The following SPATA13 variants were observed in gnomAD, a reference collection of about 807,000 sequenced individuals.
The protein encoded by SPATA13 is spermatogenesis associated 13.
In SPATA13, 50 loss-of-function variants were observed where a neutral mutation model predicts 104.0. That is an observed-to-expected ratio of 0.48 (90% CI 0.38 to 0.61). The LOEUF (loss-of-function observed/expected upper bound fraction) is 0.61, where lower values mean the gene tolerates loss of function less well. Ranked by LOEUF, SPATA13 falls within the 20% of genes least tolerant of loss-of-function variation. SPATA13 has a pLI of 0.00. For synonymous variants in SPATA13, 606 were observed against 667.5 expected (o/e 0.91, Z 1.42); for missense variants, 1,524 against 1,690.6 (o/e 0.90, Z 1.73).
intron 3 of SPATA13, among the ~76,000 whole-genome samples, chr13:24,018,470 C>T (rs78143637): frequency 0.038 from 5,854 of 152,190 alleles, 357 homozygotes; most frequent in African/African-American, 0.13. Context: ...TCCTTTTTCT[C>T]CAATTAAAGT....
At chr13:24,217,210 T>C (rs1055293812) in intron 1 of SPATA13, among the ~76,000 whole-genome samples, 4 of 152,186 alleles carry the variant, frequency 2.6e-5, no homozygotes, top group African/African-American at 4.8e-5. Flanking sequence ...CCGGGCAACA[T>C]AGCAAGATTG....
chr13:24,215,427 T>G (rs558809143), intron 1 of SPATA13, among the ~76,000 whole-genome samples: 1 of 152,284 alleles, frequency 6.6e-6, no homozygotes, highest in South Asian at 2.1e-4. Flanking sequence ...TCCTCAACAG[T>G]GGCAAAATGG....
intron 1 of SPATA13, among the ~76,000 whole-genome samples, chr13:24,217,123 A>G (rs189573494): frequency 8.7e-4 from 132 of 152,270 alleles, no homozygotes; most frequent in African/African-American, 2.9e-3. Context: ...TTAACTGGCC[A>G]TGGTATGTAC....
chr13:24,136,145 GA>G (rs1461070162), intron 3 of SPATA13, among the ~76,000 whole-genome samples: 1 of 152,154 alleles, frequency 6.6e-6, no homozygotes, highest in Non-Finnish European at 1.5e-5. Flanking sequence ...CTGAGTTTCT[GA>G]ATGGTCTTTC....
intron 2 of SPATA13, among the ~76,000 whole-genome samples, chr13:24,233,682 CT>C (rs1056778731): frequency 2.6e-5 from 4 of 152,030 alleles, no homozygotes; most frequent in African/African-American, 9.7e-5. Flanking sequence ...TTACCTAATT[CT>C]TTTTCAACGG....
chr13:23,996,778 A>G (rs1183572070), intron 2 of SPATA13, among the ~76,000 whole-genome samples: 4 of 152,238 alleles, frequency 2.6e-5, no homozygotes, highest in Admixed American at 2.6e-4. Context: ...AGAGGCTGCC[A>G]GCGTTCCTTG....
chr13:23,997,511 A>G (rs2765165), intron 2 of SPATA13, among the ~76,000 whole-genome samples: 3 of 152,208 alleles, frequency 2.0e-5, no homozygotes, highest in Non-Finnish European at 4.4e-5. Flanking sequence ...TCACTAGTTC[A>G]TGGCTTTTCA....
chr13:24,051,225 C>T lies in SPATA13; in HGVS notation c.-112+33524C>T, dbSNP rs1878328771. Among the ~76,000 whole-genome samples the T allele has an allele frequency of 6.6e-6, 1 of 152,198 alleles. No homozygotes were observed. Among genetic ancestry groups the T allele is most frequent in the South Asian group, 2.1e-4 (1 of 4,828 alleles). On this transcript the variant is annotated intron_variant, in intron 3 of 14. Transcript: ENST00000424834. The surrounding 1 kb of genome is among the most constrained non-coding windows in gnomAD (Gnocchi z 4.2). Reference sequence around the variant, plus strand: ...GCAGCACATACCTTGTTGCAGTGGCCACCTGACCTTCCAAGAGGACATGAA... The same window carrying T: ...GCAGCACATACCTTGTTGCAGTGGCTACCTGACCTTCCAAGAGGACATGAA...
intron 1 of SPATA13, among the ~76,000 whole-genome samples, chr13:24,190,213 TATC>T (rs1170145445): frequency 2.8e-5 from 3 of 107,620 alleles, no homozygotes; most frequent in African/African-American, 1.1e-4. Flanking sequence ...TTATATAACA[TATC>T]ATATATAATA....
intron 3 of SPATA13, among the ~76,000 whole-genome samples, chr13:24,087,534 T>A (rs1879772964): frequency 6.6e-6 from 1 of 152,242 alleles, no homozygotes; most frequent in African/African-American, 2.4e-5. Flanking sequence ...TTCAGGCACC[T>A]ATGCAGGTGA....
rs754579238 is a variant in SPATA13, at chr13:24,040,950, C to T, written c.-112+23249C>T. ...CACTGGGAAGCCCCTGGGGGAGACT[C>T]GGAGACTCAGGGGGAACGAACAATG... On this transcript the variant is annotated intron_variant, in intron 3 of 14. Transcript: ENST00000424834. Among the ~76,000 whole-genome samples, 4 of 152,242 alleles carry T rather than the reference C, an allele frequency of 2.6e-5. No individual in the cohort carries two copies. The South Asian group carries it at 6.2e-4, about 24-fold the overall frequency.
chr13:24,211,738 A>G (rs1871027443), intron 1 of SPATA13, among the ~76,000 whole-genome samples: 1 of 152,004 alleles, frequency 6.6e-6, no homozygotes, highest in African/African-American at 2.4e-5. Flanking sequence ...ACTGACGATG[A>G]TGGCCTCTGC....
chr13:24,192,449 C>T (rs1185441262), intron 1 of SPATA13, among the ~76,000 whole-genome samples: 1 of 152,076 alleles, frequency 6.6e-6, no homozygotes, highest in Non-Finnish European at 1.5e-5. Flanking sequence ...GTGCCAGTTC[C>T]TCTTCCTCCT....
chr13:24,303,202 C>A lies in SPATA13; in HGVS notation c.*429C>A. 2 of 402,078 alleles carry A rather than the reference C, an allele frequency of 5.0e-6. No individual in the cohort carries two copies. The highest frequency in any genetic ancestry group is 1.8e-5 in the South Asian group (1 of 54,136). The allele number at this position is 402,078 out of a possible 1,614,324, so 24.9% of individuals were successfully genotyped here. ...CTTCTGCATTTGATTTTCAAGGATGCCGTCAAGACGGGGTTGACACAATGC... is the reference window on the plus strand; with the variant it reads ...CTTCTGCATTTGATTTTCAAGGATGACGTCAAGACGGGGTTGACACAATGC... On this transcript the variant is annotated 3_prime_UTR_variant, in exon 13 of 13. Transcript: ENST00000382108.
chr13:24,097,594 G>A (rs539854652), intron 3 of SPATA13, among the ~76,000 whole-genome samples: 61 of 152,158 alleles, frequency 4.0e-4, no homozygotes, highest in Non-Finnish European at 6.5e-4. Context: ...ACTCATGGAC[G>A]ACACTTACAG....
At chr13:24,201,774 A>T (rs1210068461) in intron 1 of SPATA13, among the ~76,000 whole-genome samples, 1 of 152,206 alleles carries the variant, frequency 6.6e-6, no homozygotes, top group Admixed American at 6.5e-5. Flanking sequence ...TATGGTTTGT[A>T]CAAATACATA....
chr13:24,101,106 C>G (rs1880243338), intron 3 of SPATA13, among the ~76,000 whole-genome samples: 1 of 152,140 alleles, frequency 6.6e-6, no homozygotes, highest in Non-Finnish European at 1.5e-5. Flanking sequence ...GCAGGGGAAG[C>G]TGTGCTGTAG....
rs146061514 is a variant in SPATA13, at chr13:24,060,090, T to C, written c.-112+42389T>C. Among the ~76,000 whole-genome samples, 104 of 152,324 alleles carry C rather than the reference T, an allele frequency of 6.8e-4. 3 individuals are homozygous for C. In the East Asian group the frequency reaches 0.014, roughly 20 times the overall value. On this transcript the variant is annotated intron_variant, in intron 3 of 14. Coordinates refer to the SPATA13 transcript ENST00000424834. ...CTAGAAAAAACTATTTCAAAATTCA[T>C]GTGGAATCAAAATGAGCCCAAATAG...
chr13:24,181,024 G>A (rs1022007272), intron 1 of SPATA13, among the ~76,000 whole-genome samples: 2 of 152,200 alleles, frequency 1.3e-5, no homozygotes, highest in African/African-American at 2.4e-5. Context: ...GTAGGCAGCT[G>A]TAACACAATG....
Sources: allele counts gnomAD v4.1 joint callset (sites outside exome capture counted in the v4.1 genomes callset), GRCh38; gene constraint gnomAD v4.1.1; non-coding constraint Gnocchi (gnomAD v3.1); transcripts MANE v1.5; gene names NCBI Gene and HGNC (gene_info 2026-07-23, HGNC 2026-07-21).